The following SORBS2 variants were observed in gnomAD, a reference collection of about 807,000 sequenced individuals.
SORBS2 encodes the protein sorbin and SH3 domain containing 2.
SORBS2 carries 46 observed loss-of-function variants against 97.7 expected under a neutral mutation model. The observed-to-expected ratio is 0.47, with a 90% CI of 0.37 to 0.60. The LOEUF is 0.60. Ranked by LOEUF, SORBS2 falls within the 20% of genes least tolerant of loss-of-function variation. SORBS2 has a pLI of 0.00. For missense variants in SORBS2, 1,316 were observed against 1,282.3 expected (o/e 1.03, Z -0.40); for synonymous variants, 476 against 473.4 (o/e 1.01, Z -0.07).
intron 13 of SORBS2, among the ~76,000 whole-genome samples, chr4:185,590,869 GT>G (rs1288762798): frequency 6.6e-6 from 1 of 152,138 alleles, no homozygotes; most frequent in Non-Finnish European, 1.5e-5. Context: ...CTGTGAGGGG[GT>G]TTTTAAAAAT....
At chr4:185,882,525 T>C (rs1259661621) in intron 1 of SORBS2, among the ~76,000 whole-genome samples, 1 of 152,222 alleles carries the variant, frequency 6.6e-6, no homozygotes, top group African/African-American at 2.4e-5. Flanking sequence ...AACTGACCTG[T>C]AGACTCAATG....
intron 1 of SORBS2, among the ~76,000 whole-genome samples, chr4:185,818,459 G>A (rs1460680085): frequency 1.3e-5 from 2 of 152,050 alleles, no homozygotes; most frequent in Non-Finnish European, 2.9e-5. Context: ...AAAGTGCTGG[G>A]ATTACAGGCA....
At chr4:185,710,467 C>A (rs756918688) in intron 2 of SORBS2, among the ~76,000 whole-genome samples, 10 of 152,222 alleles carry the variant, frequency 6.6e-5, no homozygotes, top group South Asian at 2.1e-4. Flanking sequence ...TGTTCTCAAT[C>A]GACTGTGTCT....
At chr4:185,860,744 C>T (rs759046121) in intron 1 of SORBS2, among the ~76,000 whole-genome samples, 2 of 152,110 alleles carry the variant, frequency 1.3e-5, no homozygotes, top group African/African-American at 2.4e-5. Flanking sequence ...AGGTGGGAGG[C>T]TTCCAGGTGG....
chr4:185,600,513 A>G (rs545829244), intron 12 of SORBS2, among the ~76,000 whole-genome samples: 10 of 152,054 alleles, frequency 6.6e-5, no homozygotes, highest in East Asian at 1.9e-4. Flanking sequence ...TAATTTTTGT[A>G]TTTTTAGTAG....
At chr4:185,850,883 A>C (rs2099217500) in intron 1 of SORBS2, among the ~76,000 whole-genome samples, 1 of 152,100 alleles carries the variant, frequency 6.6e-6, no homozygotes, top group Admixed American at 6.6e-5. Flanking sequence ...TCATCTGTTG[A>C]GGGCCTGAAT....
intron 2 of SORBS2, chr4:185,772,990 G>T (rs2098980067): frequency 6.6e-6 from 1 of 151,548 alleles, no homozygotes; most frequent in African/African-American, 2.4e-5. Flanking sequence ...GCTTTCACCT[G>T]AAGTTTCACA....
intron 1 of SORBS2, among the ~76,000 whole-genome samples, chr4:185,920,628 G>T (rs1305417570): frequency 6.6e-6 from 1 of 152,110 alleles, no homozygotes; most frequent in Non-Finnish European, 1.5e-5. Context: ...TTTAAATCTT[G>T]CATGTTTTTA....
chr4:185,800,125 G>A (rs1011467612), intron 1 of SORBS2, among the ~76,000 whole-genome samples: 4 of 152,082 alleles, frequency 2.6e-5, no homozygotes, highest in Non-Finnish European at 4.4e-5. Flanking sequence ...ACCTGGGGAG[G>A]CAGAGGTTGC....
At position 185,623,730 on chromosome 4, in the gene SORBS2, G is replaced by T. The variant is rs547834409; in HGVS notation, c.1399C>A (p.Pro467Thr). The change falls in exon 7 of 15, where the codon CCC (proline) becomes ACC (threonine). Residue 467 changes from proline to threonine, a missense_variant. Coordinates refer to ENST00000418609, the Ensembl canonical transcript of SORBS2. The surrounding 1 kb of genome is among the most constrained non-coding windows in gnomAD (Gnocchi z 6.4). ...CAGCCTCGCCGGCCCCGAGCGGGGGGGCCGCTTTGATTTTCTTCCTCCAGC... is the reference window on the plus strand; with the variant it reads ...CAGCCTCGCCGGCCCCGAGCGGGGGTGCCGCTTTGATTTTCTTCCTCCAGC... 1.9e-6 allele frequency: 3 copies of T among 1,613,916 alleles called. No individual in the cohort carries two copies. The highest frequency in any genetic ancestry group is 2.7e-5 in the African/African-American group (2 of 74,904).
intron 5 of SORBS2, 56 bp from the exon 18 acceptor site, chr4:185,627,075 C>T (rs2096827554): frequency 1.3e-6 from 2 of 1,520,270 alleles, no homozygotes; most frequent in Non-Finnish European, 9.1e-7. Context: ...CGGGTGTGCA[C>T]CAGAAAAACC....
chr4:185,915,141 T>G (rs2099257397), intron 1 of SORBS2, among the ~76,000 whole-genome samples: 1 of 152,236 alleles, frequency 6.6e-6, no homozygotes, highest in Admixed American at 6.5e-5. Context: ...TCTCATGTTA[T>G]TTTAAAACTT....
chr4:185,752,089 G>C (rs2098803886), intron 2 of SORBS2, among the ~76,000 whole-genome samples: 2 of 152,092 alleles, frequency 1.3e-5, no homozygotes, highest in African/African-American at 4.8e-5. Flanking sequence ...TGGCACCAAG[G>C]CTGAGAAACC....
intron 1 of SORBS2, among the ~76,000 whole-genome samples, chr4:185,876,255 G>A (rs1467235635): frequency 6.6e-6 from 1 of 152,062 alleles, no homozygotes; most frequent in African/African-American, 2.4e-5. Context: ...TTACAGGCAT[G>A]TGCCACCTCA....
In SORBS2 at chr4:185,727,556, T is replaced by C. The variant is rs181997920; in HGVS notation, c.-198+47671A>G. ...ACTAAATTAAGCTTTTATCAGATCA[T>C]GTTTACATTAAAAAAGAAAAGCCTG... On this transcript the variant is annotated intron_variant, in intron 2 of 20. Coordinates refer to the SORBS2 transcript ENST00000284776. Among the ~76,000 whole-genome samples the C allele has an allele frequency of 3.3e-5, 5 of 152,332 alleles. 1 individual carries two copies. The East Asian group carries it at 9.6e-4, about 29-fold the overall frequency.
At chr4:185,935,821 C>G (rs978388031) in intron 1 of SORBS2, among the ~76,000 whole-genome samples, 1 of 151,498 alleles carries the variant, frequency 6.6e-6, no homozygotes, top group Non-Finnish European at 1.5e-5. Context: ...CACAGGCTGC[C>G]TTTGAAAATT....
At position 185,687,068 on chromosome 4, in the gene SORBS2, G is replaced by A. The variant is rs569847651; in HGVS notation, c.-197-8246C>T. On this transcript the variant is annotated intron_variant, in intron 2 of 20. Transcript: ENST00000284776. ...TTTATTTATTTATGTTTAGAGACAG[G>A]GTCTTGCTCTGTTGCCCAGGCTGGA... Among the ~76,000 whole-genome samples the A allele has an allele frequency of 2.6e-5, 4 of 152,230 alleles. No homozygotes were observed. In the South Asian group the frequency reaches 8.3e-4, roughly 32 times the overall value.
chr4:185,651,719 C>CGT, intron 2 of SORBS2, 65 bp downstream of exon 11: 1 of 877,730 alleles, frequency 1.1e-6, no homozygotes. Context: ...AAAAGGTGAC[C>CGT]GTGTCGTTCT....
At chr4:185,675,558 G>T (rs1170567072) in intron 4 of SORBS2, 1 of 152,210 alleles carries the variant, frequency 6.6e-6, no homozygotes. Flanking sequence ...TTTGCCAGCT[G>T]CATGACCCTG....
Sources: gnomAD v4.1 joint callset for allele counts (sites outside exome capture counted in the v4.1 genomes callset) on GRCh38, gnomAD v4.1.1 for gene constraint, Gnocchi (gnomAD v3.1) non-coding constraint, MANE v1.5 for transcripts, NCBI Gene and HGNC (gene_info 2026-07-23, HGNC 2026-07-21) for gene names.